The following RNF17 variants were observed in gnomAD, a reference collection of about 807,000 sequenced individuals.
RNF17 encodes the protein ring finger protein 17, also known as spermatogenesis associated 23.
A neutral mutation model predicts 200.5 loss-of-function variants in RNF17; 31 were observed. The observed-to-expected ratio is 0.15, with a 90% CI of 0.12 to 0.21. The LOEUF is 0.21. RNF17 is among the 10% of genes least tolerant of loss of function. The pLI is 1.00. For missense variants in RNF17, 1,628 were observed against 1,905.1 expected, an observed-to-expected ratio of 0.85 and a Z score of 2.71; for synonymous variants, 606 against 637.8, an observed-to-expected ratio of 0.95 and a Z score of 0.75.
chr13:24,762,454 A>C (rs759697783), upstream of RNF17, among the ~76,000 whole-genome samples: 6 of 152,114 alleles, frequency 3.9e-5, no homozygotes, highest in Non-Finnish European at 7.3e-5. Flanking sequence ...ATAGGGAATA[A>C]TACTCACAAA....
At position 24,804,404 on chromosome 13, in the gene RNF17, G is replaced by A. The variant is rs1885604264; in HGVS notation, c.2066G>A (p.Ser689Asn). Residue 689 changes from serine to asparagine, a missense_variant, in exon 15 of 36, where the codon AGT becomes AAT. By Grantham distance (46) the Ser-to-Asn change is conservative. This residue lies in a region of RNF17 where 289 missense variants were observed against 384.9 expected (regional missense o/e 0.75). Coordinates refer to ENST00000255324, the MANE Select transcript of RNF17 (RefSeq NM_031277.3). Reference sequence around the variant, plus strand: ...TCAGTAACGGTTTGTCATATAAATAGTCCTGGAGATTTCTATCTTCAGTTG... The same window carrying A: ...TCAGTAACGGTTTGTCATATAAATAATCCTGGAGATTTCTATCTTCAGTTG... ...DVSVTVCHIN[S>N]PGDFYLQLIE... The A allele has an allele frequency of 6.2e-7, 1 of 1,611,792 alleles. No homozygotes were observed.
intron 25 of RNF17, 115 bp downstream of exon 25, chr13:24,854,259 T>G (rs1406202977): frequency 2.6e-6 from 2 of 754,744 alleles, no homozygotes; most frequent in African/African-American, 1.7e-5. Flanking sequence ...GAGGATTAAA[T>G]GATTTCACAC....
At chr13:24,800,680 A>C (rs1885139717) in intron 13 of RNF17, 146 bp downstream of exon 13, 1 of 577,412 alleles carries the variant, frequency 1.7e-6, no homozygotes, top group African/African-American at 1.9e-5. Flanking sequence ...TCTAATAGAA[A>C]AGGAAATGAA....
chr13:24,820,608 G>C (rs1305852157), intron 15 of RNF17, among the ~76,000 whole-genome samples: 2 of 151,242 alleles, frequency 1.3e-5, no homozygotes, highest in African/African-American at 4.9e-5. Context: ...GCTAATTTTT[G>C]TATTTTTAGT....
downstream of RNF17, chr13:24,884,473 C>T (rs781573536): frequency 1.9e-6 from 3 of 1,613,612 alleles, no homozygotes; most frequent in African/African-American, 4.0e-5. Context: ...CCTAAAAAAC[C>T]AACACAAGAT....
At chr13:24,872,819 C>T (rs1397824227) in intron 32 of RNF17, among the ~76,000 whole-genome samples, 1 of 151,798 alleles carries the variant, frequency 6.6e-6, no homozygotes, top group Non-Finnish European at 1.5e-5. Flanking sequence ...AGAATGTGTT[C>T]CCGATGTTTA....
intron 2 of RNF17, among the ~76,000 whole-genome samples, chr13:24,774,266 A>G (rs1023120067): frequency 1.6e-4 from 24 of 152,042 alleles, no homozygotes; most frequent in Admixed American, 2.6e-4. Flanking sequence ...CAGTGATGCA[A>G]TCTTGGCTCA....
At chr13:24,790,077 G>C (rs1188505099) in intron 9 of RNF17, among the ~76,000 whole-genome samples, 1 of 152,072 alleles carries the variant, frequency 6.6e-6, no homozygotes, top group Non-Finnish European at 1.5e-5. Flanking sequence ...GAGGAAGAAG[G>C]ACATGCAAAC....
rs2138130195 is a variant in RNF17 at position 24,842,309 on chromosome 13, A to G, written c.2603+148A>G. The G allele has an allele frequency of 6.9e-6, 4 of 580,182 alleles. No individual in the cohort carries two copies. The East Asian group carries it at 1.1e-4, about 15-fold the overall frequency. 35.9% of individuals were successfully genotyped at this position (580,182 alleles called of 1,614,324 possible). A position where few individuals can be genotyped will look rare whatever the true frequency, so the allele number is the denominator to read the frequency against. On this transcript the variant is annotated intron_variant, in intron 19 of 35. Coordinates refer to ENST00000255324, the MANE Select transcript of RNF17 (RefSeq NM_031277.3). Reference sequence around the variant, plus strand: ...TTCCCTGTCCTGGACCAGAAAAAATAGAAAATAACTGGAGTCATTAATGAG... The same window carrying G: ...TTCCCTGTCCTGGACCAGAAAAAATGGAAAATAACTGGAGTCATTAATGAG...
chr13:24,804,331 A>G lies in RNF17; in HGVS notation c.1993A>G (p.Thr665Ala). ...AAGAAGTCACTTTGAAAAAAATACT[A>G]CTTTACACTATCATCCACCTATTTT... is the stretch of plus-strand genomic sequence containing the variant. Reference protein sequence around the residue: ...SLRSHFEKNTTLHYHPPILPK... With the variant: ...SLRSHFEKNTALHYHPPILPK... The change falls in exon 15 of 36, where the codon ACT becomes GCT. Residue 665 changes from threonine to alanine, a missense_variant. This residue lies in a region of RNF17 where 289 missense variants were observed against 384.9 expected (regional missense o/e 0.75). Transcript: ENST00000255324. 6.2e-6 allele frequency: 10 copies of G among 1,612,040 alleles called. 1 individual carries two copies. In the South Asian group the frequency reaches 8.8e-5, roughly 14 times the overall value.
At chr13:24,857,307 A>AT (rs35071308) in intron 25 of RNF17, among the ~76,000 whole-genome samples, 10 of 150,656 alleles carry the variant, frequency 6.6e-5, no homozygotes, top group South Asian at 2.1e-4. Context: ...CTGGAGTCCC[A>AT]TTTTTTTTGT....
intron 19 of RNF17, among the ~76,000 whole-genome samples, chr13:24,843,171 C>G (rs932606222): frequency 5.3e-5 from 8 of 152,024 alleles, no homozygotes; most frequent in Admixed American, 4.6e-4. Context: ...AGGAGCTTTT[C>G]CACTATAGGT....
intron 15 of RNF17, among the ~76,000 whole-genome samples, chr13:24,807,570 G>A (rs1349912636): frequency 3.9e-5 from 6 of 152,206 alleles, no homozygotes; most frequent in Admixed American, 6.5e-5. Flanking sequence ...AGTAGGTTGC[G>A]AAAATTTTCT....
At chr13:24,762,135 T>C (rs1878798197), upstream of RNF17, among the ~76,000 whole-genome samples, 1 of 152,000 alleles carries the variant, frequency 6.6e-6, no homozygotes, top group South Asian at 2.1e-4. Context: ...TTGGGAGGCC[T>C]AAGGCGGGCA....
the RNF17 span, chr13:24,885,560 G>A: frequency 7.1e-7 from 1 of 1,409,628 alleles, no homozygotes; most frequent in Non-Finnish European, 1.0e-6. Context: ...TTGATTTCAA[G>A]CCTAAGTAAT....
chr13:24,802,010 G>A (rs1885296782), intron 13 of RNF17, among the ~76,000 whole-genome samples: 1 of 151,810 alleles, frequency 6.6e-6, no homozygotes, highest in African/African-American at 2.4e-5. Flanking sequence ...TTTTTGAGAT[G>A]GAGTCTTGTT....
intron 9 of RNF17, among the ~76,000 whole-genome samples, chr13:24,791,532 G>A (rs961829985): frequency 1.3e-5 from 2 of 152,148 alleles, no homozygotes; most frequent in African/African-American, 4.8e-5. Context: ...TATGAATGCT[G>A]AAACTTAAGA....
intron 1 of RNF17, among the ~76,000 whole-genome samples, chr13:24,765,242 C>G (rs967392750): frequency 6.6e-6 from 1 of 152,122 alleles, no homozygotes. Context: ...GTCTCGATCT[C>G]CTGACCTCGT....
chr13:24,825,289 A>G (rs1441806838), intron 15 of RNF17, among the ~76,000 whole-genome samples: 1 of 151,390 alleles, frequency 6.6e-6, no homozygotes, highest in East Asian at 2.0e-4. Context: ...GTGAGAAATG[A>G]TAGAAAAATG....
Sources: gnomAD v4.1 joint callset for allele counts (sites outside exome capture counted in the v4.1 genomes callset) on GRCh38, gnomAD v4.1.1 for gene constraint, gnomAD v4.1.1 regional missense constraint, MANE v1.5 for transcripts, NCBI Gene and HGNC (gene_info 2026-07-23, HGNC 2026-07-21) for gene names.